Variants in HTRA1 observed in about 807,000 individuals in gnomAD.
The protein encoded by HTRA1 is HtrA serine peptidase 1.
A neutral mutation model predicts 49.7 loss-of-function variants in HTRA1; 26 were observed. The ratio of observed to expected loss-of-function variants is 0.52; its 90% CI spans 0.38 to 0.73. The LOEUF (loss-of-function observed/expected upper bound fraction) is 0.73, where lower values mean the gene tolerates loss of function less well. HTRA1 is among the 30% of genes least tolerant of loss of function. HTRA1 has a pLI of 0.00. For missense variants in HTRA1, 561 were observed against 667.2 expected, an observed-to-expected ratio of 0.84 and a Z score of 1.75; for synonymous variants, 291 against 286.9, an observed-to-expected ratio of 1.01 and a Z score of -0.14.
chr10:122,514,480 TG>T lies in HTRA1; in HGVS notation c.*123del. 3 of 946,440 alleles carry T rather than the reference TG, an allele frequency of 3.2e-6. No individual in the cohort carries two copies. Among genetic ancestry groups the T allele is most frequent in the Non-Finnish European group, 5.1e-6 (3 of 589,536 alleles). 58.6% of individuals were successfully genotyped at this position (946,440 alleles called of 1,614,324 possible). ...TTTGACTGCCATTTTGTTTGTTCAGTGGAGACTCCCTGGCCAACAGAATCCT... is the reference window on the plus strand; with the variant it reads ...TTTGACTGCCATTTTGTTTGTTCAGTGAGACTCCCTGGCCAACAGAATCCT... On this transcript the variant is annotated 3_prime_UTR_variant, in exon 9 of 9. Coordinates refer to ENST00000368984, the MANE Select transcript of HTRA1 (RefSeq NM_002775.5).
chr10:122,491,772 T>C (rs1157010820), intron 3 of HTRA1, among the ~76,000 whole-genome samples: 1 of 152,200 alleles, frequency 6.6e-6, no homozygotes, highest in Non-Finnish European at 1.5e-5. Context: ...CTGTTTGACA[T>C]GTGTTTCAAG....
rs1277998211 is a variant in HTRA1, at chr10:122,488,439, G to A, written c.473-463G>A. On this transcript the variant is annotated intron_variant, in intron 1 of 8. Transcript: ENST00000368984. ...AAAAATACAAAGGTGGTGGGTGCCT[G>A]TAATCCCAGTTACTCAGTAGGCTGA... Among the ~76,000 whole-genome samples the A allele has an allele frequency of 5.3e-5, 8 of 152,282 alleles. No homozygotes were observed. In the East Asian group the frequency reaches 1.4e-3, roughly 26 times the overall value.
intron 1 of HTRA1, among the ~76,000 whole-genome samples, chr10:122,478,929 G>A (rs2097489818): frequency 6.6e-6 from 1 of 152,134 alleles, no homozygotes. Context: ...TGAACAAAGG[G>A]CCCCACATAC....
intron 1 of HTRA1, among the ~76,000 whole-genome samples, chr10:122,469,300 T>A (rs760120625): frequency 2.4e-4 from 37 of 152,302 alleles, no homozygotes; most frequent in Admixed American, 4.6e-4. Context: ...TTACCCGATC[T>A]TCCAACACAT....
At chr10:122,484,926 A>G (rs1428876018) in intron 1 of HTRA1, among the ~76,000 whole-genome samples, 1 of 152,208 alleles carries the variant, frequency 6.6e-6, no homozygotes, top group East Asian at 1.9e-4. Flanking sequence ...GCCTGGGCCC[A>G]TCTATGGGAA....
chr10:122,503,496 C>G, intron 3 of HTRA1, among the ~76,000 whole-genome samples: 1 of 152,202 alleles, frequency 6.6e-6, no homozygotes, highest in Non-Finnish European at 1.5e-5. Context: ...CACCATAAAT[C>G]TGGCCTGGTC....
intron 1 of HTRA1, among the ~76,000 whole-genome samples, chr10:122,466,265 A>G (rs951929708): frequency 2.0e-5 from 3 of 152,076 alleles, no homozygotes; most frequent in African/African-American, 7.3e-5. Flanking sequence ...TCCCGGGTTC[A>G]TGCCATTCTC....
chr10:122,487,475 C>A lies in HTRA1; in HGVS notation c.473-1427C>A, dbSNP rs2097493583. On this transcript the variant is annotated intron_variant, in intron 1 of 8. Coordinates refer to ENST00000368984, the MANE Select transcript of HTRA1 (RefSeq NM_002775.5). This position sits in a 1 kb window ranked among gnomAD's most constrained non-coding sequence, Gnocchi z 4.8. ...CTGAATCAGTTACCTTGGGTATGTG[C>A]CTCTGGTTGATGGAAACTAACTTGT... is the stretch of plus-strand genomic sequence containing the variant. Among the ~76,000 whole-genome samples, 1 of 152,202 alleles carries A rather than the reference C, an allele frequency of 6.6e-6. No homozygotes were observed. Among genetic ancestry groups the A allele is most frequent in the Admixed American group, 6.5e-5 (1 of 15,284 alleles).
intron 1 of HTRA1, among the ~76,000 whole-genome samples, chr10:122,474,377 G>C (rs2097487503): frequency 6.6e-6 from 1 of 152,120 alleles, no homozygotes; most frequent in African/African-American, 2.4e-5. Flanking sequence ...GCTGGGTACT[G>C]CTTGGAAGAA....
At chr10:122,496,086 A>G (rs892044441) in intron 3 of HTRA1, among the ~76,000 whole-genome samples, 3 of 152,142 alleles carry the variant, frequency 2.0e-5, no homozygotes, top group Non-Finnish European at 2.9e-5. Context: ...CAGGCAATTA[A>G]CACCTTGTCC....
intron 1 of HTRA1, among the ~76,000 whole-genome samples, chr10:122,474,178 G>T (rs895546472): frequency 9.2e-5 from 14 of 152,170 alleles, no homozygotes; most frequent in Non-Finnish European, 1.6e-4. Flanking sequence ...TTAGATCATA[G>T]AACTTTTTTG....
chr10:122,507,938 A>C (rs1591040641), intron 5 of HTRA1, among the ~76,000 whole-genome samples: 1 of 132,678 alleles, frequency 7.5e-6, no homozygotes, highest in Non-Finnish European at 1.7e-5. Context: ...TAGAACACAG[A>C]CCAGCAGAGC....
intron 8 of HTRA1, 106 bp from the exon 9 acceptor site, chr10:122,514,085 T>G: frequency 8.8e-7 from 1 of 1,138,098 alleles, no homozygotes; most frequent in Middle Eastern, 2.8e-4. Context: ...CCAATCCTGT[T>G]TGCTCTGGGC....
intron 3 of HTRA1, 33 bp downstream of exon 3, chr10:122,489,659 T>C (rs781107272): frequency 1.9e-6 from 3 of 1,593,914 alleles, no homozygotes; most frequent in Non-Finnish European, 1.7e-6. Context: ...AGGTGAGTTC[T>C]CAGATGCCCC....
chr10:122,497,690 C>A (rs2097499325), intron 3 of HTRA1, among the ~76,000 whole-genome samples: 1 of 152,226 alleles, frequency 6.6e-6, no homozygotes, highest in East Asian at 1.9e-4. Flanking sequence ...AATGCCAGGC[C>A]TTGGCTAACC....
Position 122,506,600 on chromosome 10 carries a change from A to G in HTRA1, c.778-91A>G. 1 of 1,129,126 alleles carries G rather than the reference A, an allele frequency of 8.9e-7. No individual in the cohort carries two copies. The highest frequency in any genetic ancestry group is 1.2e-5 in the South Asian group (1 of 80,666). 69.9% of individuals were successfully genotyped at this position (1,129,126 alleles called of 1,614,324 possible). On this transcript the variant is annotated intron_variant, in intron 3 of 8. Transcript: ENST00000368984. This position sits in a 1 kb window ranked among gnomAD's most constrained non-coding sequence, Gnocchi z 5.2. Reference sequence around the variant, plus strand: ...GCCTGGTGTTTCCAAATAGCCCGTCACTGTCCCTGCTTGGTTTTCCATGAT... The same window carrying G: ...GCCTGGTGTTTCCAAATAGCCCGTCGCTGTCCCTGCTTGGTTTTCCATGAT...
intron 3 of HTRA1, among the ~76,000 whole-genome samples, chr10:122,491,732 T>TG (rs1424982151): frequency 1.3e-5 from 2 of 152,242 alleles, no homozygotes; most frequent in Admixed American, 1.3e-4. Context: ...CCTGCTGTCT[T>TG]GGGAGTTTAG....
intron 1 of HTRA1, among the ~76,000 whole-genome samples, chr10:122,465,379 T>G (rs551164721): frequency 6.6e-6 from 1 of 152,162 alleles, no homozygotes; most frequent in Non-Finnish European, 1.5e-5. Flanking sequence ...GCCGGGTGCA[T>G]ACTAATTCAT....
chr10:122,507,014 T>A, intron 4 of HTRA1, 129 bp downstream of exon 4: 1 of 835,014 alleles, frequency 1.2e-6, no homozygotes, highest in Non-Finnish European at 2.0e-6. Context: ...CCAAGCCATG[T>A]GGATTCTAGT....
Sources: gnomAD v4.1 joint callset for allele counts (sites outside exome capture counted in the v4.1 genomes callset) on GRCh38, gnomAD v4.1.1 for gene constraint, Gnocchi (gnomAD v3.1) non-coding constraint, MANE v1.5 for transcripts, NCBI Gene and HGNC (gene_info 2026-07-23, HGNC 2026-07-21) for gene names.